SPECC1L: variants seen among roughly 807,000 people sequenced by gnomAD.
SPECC1L encodes the protein sperm antigen with calponin homology and coiled-coil domains 1 like, also known as cytospin-A.
Under a neutral mutation model 116.8 loss-of-function variants are expected in SPECC1L, and 40 were observed. The ratio of observed to expected loss-of-function variants is 0.34; its 90% CI spans 0.27 to 0.45. The LOEUF (loss-of-function observed/expected upper bound fraction) is 0.45. SPECC1L is among the 20% of genes least tolerant of loss of function. The pLI is 1.00. For synonymous variants in SPECC1L, 504 were observed against 500.6 expected (o/e 1.01, Z -0.09); for missense variants, 1,110 against 1,373.6 (o/e 0.81, Z 3.03).
intron 2 of SPECC1L, among the ~76,000 whole-genome samples, chr22:24,298,178 T>C (rs538330450): frequency 6.6e-6 from 1 of 152,280 alleles, no homozygotes; most frequent in East Asian, 1.9e-4. Context: ...TCATGTTAGA[T>C]GATTTTTGTC....
chr22:24,317,235 G>A (rs1372806526), intron 4 of SPECC1L, among the ~76,000 whole-genome samples: 17 of 101,674 alleles, frequency 1.7e-4, no homozygotes, highest in African/African-American at 2.5e-4. Flanking sequence ...CTCACCTCCC[G>A]GATGGGGCGG....
intron 9 of SPECC1L, among the ~76,000 whole-genome samples, chr22:24,337,842 T>G (rs766362249): frequency 3.3e-5 from 5 of 152,160 alleles, no homozygotes; most frequent in Non-Finnish European, 5.9e-5. Context: ...TTCAGCAGTT[T>G]ATTATAGAGA....
At chr22:24,411,355 G>C (rs528369803) in intron 14 of SPECC1L, among the ~76,000 whole-genome samples, 1 of 151,734 alleles carries the variant, frequency 6.6e-6, no homozygotes. Context: ...AAGACGCCAC[G>C]TGTTATACCA....
chr22:24,406,739 G>A (rs774089878), intron 14 of SPECC1L, among the ~76,000 whole-genome samples: 7 of 152,294 alleles, frequency 4.6e-5, no homozygotes, highest in African/African-American at 1.7e-4. Flanking sequence ...TACTGATCCC[G>A]TCATAATATT....
intron 14 of SPECC1L, among the ~76,000 whole-genome samples, chr22:24,407,796 G>A (rs1158064446): frequency 1.3e-5 from 2 of 152,140 alleles, no homozygotes; most frequent in Non-Finnish European, 2.9e-5. Flanking sequence ...AGTGGGCCCT[G>A]CAAATTACGG....
chr22:24,413,750 G>A (rs2042747145), intron 16 of SPECC1L, among the ~76,000 whole-genome samples: 1 of 152,148 alleles, frequency 6.6e-6, no homozygotes, highest in Admixed American at 6.5e-5. Context: ...AGCTTCTATA[G>A]TCAAGATTCT....
chr22:24,391,021 G>T (rs548384565), intron 14 of SPECC1L, among the ~76,000 whole-genome samples: 17 of 151,394 alleles, frequency 1.1e-4, no homozygotes, highest in Non-Finnish European at 5.9e-5. Flanking sequence ...GATTACAGGC[G>T]CATGCCAGCA....
chr22:24,383,790 C>CTTTTTTTTTTTT (rs2042104560), intron 14 of SPECC1L, among the ~76,000 whole-genome samples: 1 of 77,158 alleles, frequency 1.3e-5, no homozygotes, highest in Non-Finnish European at 2.5e-5. Context: ...GCACCCACCA[C>CTTTTTTTTTTTT]TATTTTTTTT....
At chr22:24,312,441 A>G (rs1045784395) in intron 3 of SPECC1L, among the ~76,000 whole-genome samples, 3 of 152,242 alleles carry the variant, frequency 2.0e-5, no homozygotes, top group African/African-American at 7.2e-5. Context: ...TATCTGAGAG[A>G]GGGCATGGTT....
intron 11 of SPECC1L, among the ~76,000 whole-genome samples, chr22:24,357,662 G>T (rs757293366): frequency 6.6e-6 from 1 of 152,142 alleles, no homozygotes; most frequent in African/African-American, 2.4e-5. Context: ...GAGTTAATCT[G>T]CTCAGGAGCT....
chr22:24,340,648 A>G (rs1449018583), intron 10 of SPECC1L, among the ~76,000 whole-genome samples: 2 of 152,192 alleles, frequency 1.3e-5, no homozygotes, highest in East Asian at 1.9e-4. Flanking sequence ...AAATATTTCT[A>G]CAAGTTGCAA....
intron 6 of SPECC1L, among the ~76,000 whole-genome samples, chr22:24,327,319 T>C (rs547127972): frequency 3.0e-5 from 4 of 132,138 alleles, no homozygotes; most frequent in South Asian, 2.5e-4. Context: ...AACACACATA[T>C]ACCAACATCA....
intron 2 of SPECC1L, among the ~76,000 whole-genome samples, chr22:24,288,272 C>CA (rs2049083330): frequency 3.3e-5 from 5 of 152,224 alleles, no homozygotes; most frequent in Admixed American, 2.0e-4. Flanking sequence ...TCGTGGGGGG[C>CA]TGTCCAGTGT....
chr22:24,279,243 G>A (rs1375834588), intron 2 of SPECC1L, among the ~76,000 whole-genome samples: 2 of 152,196 alleles, frequency 1.3e-5, no homozygotes, highest in African/African-American at 4.8e-5. Context: ...GGTTAAACCT[G>A]GAAGAAAAGG....
At chr22:24,367,772 CAG>C (rs2041799627) in intron 13 of SPECC1L, among the ~76,000 whole-genome samples, 1 of 152,252 alleles carries the variant, frequency 6.6e-6, no homozygotes, top group East Asian at 1.9e-4. Flanking sequence ...TCAATACTAA[CAG>C]AATAAATATA....
At chr22:24,375,725 C>T (rs749894552) in intron 14 of SPECC1L, among the ~76,000 whole-genome samples, 3 of 152,070 alleles carry the variant, frequency 2.0e-5, no homozygotes, top group South Asian at 2.1e-4. Flanking sequence ...GAGGCCAAGG[C>T]GGGTGATCAG....
At chr22:24,395,751 C>G (rs2042355297) in intron 14 of SPECC1L, among the ~76,000 whole-genome samples, 1 of 152,124 alleles carries the variant, frequency 6.6e-6, no homozygotes, top group Admixed American at 6.6e-5. Context: ...AATTCTCGTG[C>G]CTCAGCCTCC....
intron 8 of SPECC1L, among the ~76,000 whole-genome samples, chr22:24,332,706 ATT>A (rs74267207): frequency 6.8e-6 from 1 of 147,874 alleles, no homozygotes; most frequent in Admixed American, 6.8e-5. Flanking sequence ...CTTCTTACTA[ATT>A]TTTTTTTTTG....
chr22:24,272,517 AT>A (rs1280516538), intron 1 of SPECC1L, among the ~76,000 whole-genome samples: 1 of 152,180 alleles, frequency 6.6e-6, no homozygotes, highest in Non-Finnish European at 1.5e-5. Flanking sequence ...TACAAAAAAT[AT>A]AAAAATTAGT....
Sources: gnomAD v4.1 joint callset for allele counts (sites outside exome capture counted in the v4.1 genomes callset) on GRCh38, gnomAD v4.1.1 for gene constraint, MANE v1.5 for transcripts, NCBI Gene and HGNC (gene_info 2026-07-23, HGNC 2026-07-21) for gene names.